Variants in DACH1 observed in about 807,000 individuals in gnomAD.
DACH1 encodes dachshund family transcription factor 1, also known as dachshund homolog 1.
In DACH1, 12 loss-of-function variants were observed where a neutral mutation model predicts 54.2. The ratio of observed to expected loss-of-function variants is 0.22; its 90% CI spans 0.14 to 0.36. The LOEUF is 0.36. DACH1 is among the 10% of genes least tolerant of loss of function. The pLI, the probability that DACH1 is intolerant of heterozygous loss-of-function variation, is 1.00. For missense variants in DACH1, 805 were observed against 929.8 expected (o/e 0.87, Z 1.75); for synonymous variants, 386 against 366.2 (o/e 1.05, Z -0.62).
chr13:71,565,692 T>C (rs1884855809), intron 4 of DACH1, among the ~76,000 whole-genome samples: 1 of 152,130 alleles, frequency 6.6e-6, no homozygotes, highest in Non-Finnish European at 1.5e-5. Flanking sequence ...AAAACTTTGA[T>C]TATGGAACTC....
intron 10 of DACH1, among the ~76,000 whole-genome samples, chr13:71,455,410 A>T (rs1875477548): frequency 6.6e-6 from 1 of 152,242 alleles, no homozygotes; most frequent in African/African-American, 2.4e-5. Context: ...CTTCTTCAGT[A>T]GGTGGAAATA....
chr13:71,736,649 C>A (rs1205739813), intron 1 of DACH1, among the ~76,000 whole-genome samples: 1 of 151,892 alleles, frequency 6.6e-6, no homozygotes, highest in East Asian at 1.9e-4. Flanking sequence ...GGAGTCAAAT[C>A]AATATGAATG....
At chr13:71,604,929 C>T (rs766059456) in intron 3 of DACH1, among the ~76,000 whole-genome samples, 1 of 151,546 alleles carries the variant, frequency 6.6e-6, no homozygotes, top group East Asian at 1.9e-4. Flanking sequence ...ACATGTAAAC[C>T]GAAACACTTC....
chr13:71,590,657 A>C (rs907548539), intron 3 of DACH1, among the ~76,000 whole-genome samples: 2 of 152,178 alleles, frequency 1.3e-5, no homozygotes, highest in Non-Finnish European at 2.9e-5. Flanking sequence ...AGAAAAGTTT[A>C]GTAAATATTC....
At chr13:71,679,828 A>C (rs1178780368) in intron 2 of DACH1, among the ~76,000 whole-genome samples, 4 of 151,762 alleles carry the variant, frequency 2.6e-5, no homozygotes, top group Non-Finnish European at 4.4e-5. Flanking sequence ...ACTAAAATAC[A>C]AAAAAAATTC....
chr13:71,825,904 A>G (rs1195502644), intron 1 of DACH1, among the ~76,000 whole-genome samples: 1 of 152,122 alleles, frequency 6.6e-6, no homozygotes, highest in Non-Finnish European at 1.5e-5. Context: ...TCTGGGAAGG[A>G]GCCAATACAT....
chr13:71,450,478 C>T lies in DACH1; in HGVS notation c.2084-9786G>A, dbSNP rs138348822. Among the ~76,000 whole-genome samples the T allele has an allele frequency of 7.9e-5, 12 of 152,172 alleles. No individual in the cohort carries two copies. The East Asian group carries it at 2.3e-3, about 29-fold the overall frequency. ...AACAACTGATTACCCCATCTCTCTC[C>T]CATTCCTTGGGGCTCCCTATTCCCT... On this transcript the variant is annotated intron_variant, in intron 10 of 10. Coordinates refer to ENST00000613252, the MANE Select transcript of DACH1 (RefSeq NM_080759.6).
intron 5 of DACH1, among the ~76,000 whole-genome samples, chr13:71,557,968 G>GA (rs760252937): frequency 1.2e-3 from 166 of 138,100 alleles, no homozygotes; most frequent in East Asian, 2.7e-3. Context: ...TTTGCAGCTA[G>GA]AAAAAAAAAA....
At chr13:71,462,175 T>C (rs1876134252) in intron 10 of DACH1, among the ~76,000 whole-genome samples, 1 of 151,930 alleles carries the variant, frequency 6.6e-6, no homozygotes, top group Admixed American at 6.6e-5. Context: ...AGTGTGATTA[T>C]ATATGAATTA....
At chr13:71,776,067 G>A (rs1478757376) in intron 1 of DACH1, among the ~76,000 whole-genome samples, 1 of 152,044 alleles carries the variant, frequency 6.6e-6, no homozygotes, top group Non-Finnish European at 1.5e-5. Flanking sequence ...TTCAGTAAAA[G>A]GGCGCAAAAC....
intron 6 of DACH1, among the ~76,000 whole-genome samples, chr13:71,526,545 A>C (rs1263965581): frequency 6.6e-6 from 1 of 152,036 alleles, no homozygotes. Flanking sequence ...GCCTACTTCC[A>C]AAAGTCATTT....
At chr13:71,562,059 G>A (rs1379423194) in intron 4 of DACH1, among the ~76,000 whole-genome samples, 4 of 152,056 alleles carry the variant, frequency 2.6e-5, no homozygotes, top group Non-Finnish European at 4.4e-5. Context: ...AAGTTGCAAT[G>A]CGTATTACAA....
At chr13:71,500,401 C>T (rs1022745152) in intron 6 of DACH1, among the ~76,000 whole-genome samples, 6 of 152,140 alleles carry the variant, frequency 3.9e-5, no homozygotes, top group South Asian at 4.1e-4. Context: ...GTCTCCAAGC[C>T]GAAAATGAGT....
chr13:71,866,281 GCTGCTGCTGCTA>G lies in DACH1; in HGVS notation c.477_488del (p.Ser160_Ser163del), dbSNP rs897450857. On this transcript the variant is annotated inframe_deletion, in exon 1 of 11. Transcript: ENST00000613252. ...CGGGTTTCCCGGGGAGGGGGCCGCAGCTGCTGCTGCTACTGCTGCTGCTGCTACTACTGCTGC... is the reference window on the plus strand; with the variant it reads ...CGGGTTTCCCGGGGAGGGGGCCGCAGCTGCTGCTGCTGCTACTACTGCTGC... The G allele has an allele frequency of 3.8e-6, 6 of 1,580,208 alleles. No homozygotes were observed. The highest frequency in any genetic ancestry group is 5.2e-6 in the Non-Finnish European group (6 of 1,162,790).
intron 1 of DACH1, among the ~76,000 whole-genome samples, chr13:71,724,644 T>G (rs1883390165): frequency 6.6e-6 from 1 of 152,128 alleles, no homozygotes; most frequent in South Asian, 2.1e-4. Flanking sequence ...AATAAAGTAT[T>G]ACTTATATCA....
At chr13:71,840,611 C>A (rs1213338349) in intron 1 of DACH1, among the ~76,000 whole-genome samples, 1 of 152,080 alleles carries the variant, frequency 6.6e-6, no homozygotes, top group African/African-American at 2.4e-5. Context: ...ATTTTGCTTT[C>A]ATTTCAGAAG....
intron 2 of DACH1, among the ~76,000 whole-genome samples, chr13:71,649,494 T>C (rs1566405461): frequency 6.6e-6 from 1 of 152,086 alleles, no homozygotes; most frequent in Non-Finnish European, 1.5e-5. Flanking sequence ...AAAAATTAAA[T>C]GAGGGAGTAC....
chr13:71,515,220 G>A (rs1881071583), intron 6 of DACH1, among the ~76,000 whole-genome samples: 1 of 151,828 alleles, frequency 6.6e-6, no homozygotes, highest in Non-Finnish European at 1.5e-5. Context: ...TAATATTGAA[G>A]TAAAAATGTT....
intron 1 of DACH1, among the ~76,000 whole-genome samples, chr13:71,837,194 G>T (rs1296710667): frequency 6.6e-6 from 1 of 151,814 alleles, no homozygotes. Flanking sequence ...TTCCTCATTT[G>T]GAATTTATTT....
Sources: gnomAD v4.1 joint callset for allele counts (sites outside exome capture counted in the v4.1 genomes callset) on GRCh38, gnomAD v4.1.1 for gene constraint, MANE v1.5 for transcripts, NCBI Gene and HGNC (gene_info 2026-07-23, HGNC 2026-07-21) for gene names.